CSMD1: variants seen among roughly 807,000 people sequenced by gnomAD.
CSMD1 encodes CUB and Sushi multiple domains 1.
CSMD1 carries 213 observed loss-of-function variants against 417.5 expected under a neutral mutation model. That is an observed-to-expected ratio of 0.51 (90% confidence interval 0.46 to 0.57). CSMD1 has a LOEUF of 0.57. CSMD1 is among the 20% of genes least tolerant of loss of function. The pLI is 0.00. For missense variants in CSMD1, 6,923 were observed against 4,529.7 expected (o/e 1.53, Z -15.17); for synonymous variants, 2,862 against 1,736.8 (o/e 1.65, Z -16.11).
At chr8:4,446,322 T>A (rs1365956500) in intron 2 of CSMD1, among the ~76,000 whole-genome samples, 1 of 151,968 alleles carries the variant, frequency 6.6e-6, no homozygotes, top group Non-Finnish European at 1.5e-5. Context: ...CCAGCATGGG[T>A]GGATCGCTTG....
intron 5 of CSMD1, among the ~76,000 whole-genome samples, chr8:3,959,851 C>G (rs991969615): frequency 6.6e-6 from 1 of 152,170 alleles, no homozygotes; most frequent in African/African-American, 2.4e-5. Context: ...GAAAAACTTT[C>G]TATATTGTGA....
chr8:3,879,494 C>G (rs1256543741), intron 5 of CSMD1, among the ~76,000 whole-genome samples: 1 of 152,118 alleles, frequency 6.6e-6, no homozygotes, highest in Non-Finnish European at 1.5e-5. Flanking sequence ...GGGACAGAGA[C>G]CAAGTTACCG....
intron 3 of CSMD1, among the ~76,000 whole-genome samples, chr8:4,326,678 G>T (rs73174262): frequency 6.6e-6 from 1 of 152,170 alleles, no homozygotes; most frequent in African/African-American, 2.4e-5. Context: ...AAAGGAAAAG[G>T]TCTGGACTCA....
At chr8:4,239,197 A>G (rs1157024039) in intron 3 of CSMD1, among the ~76,000 whole-genome samples, 1 of 152,202 alleles carries the variant, frequency 6.6e-6, no homozygotes, top group Non-Finnish European at 1.5e-5. Flanking sequence ...TACATTAGAG[A>G]TACAGTTGAG....
chr8:3,231,490 TGTGTGTGTGC>T (rs1211120234), intron 26 of CSMD1, among the ~76,000 whole-genome samples: 1 of 152,184 alleles, frequency 6.6e-6, no homozygotes, highest in African/African-American at 2.4e-5. Flanking sequence ...CTGAAGCATT[TGTGTGTGTGC>T]GTGTGTGTGC....
intron 26 of CSMD1, among the ~76,000 whole-genome samples, chr8:3,273,788 T>G (rs1444440556): frequency 7.2e-6 from 1 of 138,456 alleles, no homozygotes; most frequent in Admixed American, 7.3e-5. Flanking sequence ...ATCCCCTTTA[T>G]CATTTTTATT....
chr8:3,129,507 G>A (rs1387090164), intron 41 of CSMD1, among the ~76,000 whole-genome samples: 1 of 152,202 alleles, frequency 6.6e-6, no homozygotes, highest in Non-Finnish European at 1.5e-5. Context: ...GGGTTCAGTG[G>A]CTCATGCCTG....
At chr8:4,030,704 T>G (rs1585166385) in intron 4 of CSMD1, among the ~76,000 whole-genome samples, 2 of 152,346 alleles carry the variant, frequency 1.3e-5, no homozygotes, top group Admixed American at 6.5e-5. Context: ...TTTCTGCAGT[T>G]GGCTTGATTT....
intron 2 of CSMD1, among the ~76,000 whole-genome samples, chr8:4,501,139 C>T (rs942089484): frequency 6.6e-6 from 1 of 151,990 alleles, no homozygotes; most frequent in African/African-American, 2.4e-5. Flanking sequence ...ATAATGATAT[C>T]TCACATATAT....
At chr8:2,940,988 A>G (rs536773757) in intron 69 of CSMD1, among the ~76,000 whole-genome samples, 80 of 152,338 alleles carry the variant, frequency 5.3e-4, no homozygotes, top group African/African-American at 1.9e-3. Flanking sequence ...TCATCTGATC[A>G]TGGCATCTTA....
At chr8:3,537,501 T>C (rs950070540) in intron 10 of CSMD1, among the ~76,000 whole-genome samples, 17 of 152,362 alleles carry the variant, frequency 1.1e-4, no homozygotes, top group South Asian at 2.1e-4. Context: ...ATTTAAGACA[T>C]TGGTTCATAA....
At chr8:3,363,366 G>C (rs1162896890) in intron 20 of CSMD1, among the ~76,000 whole-genome samples, 3 of 152,066 alleles carry the variant, frequency 2.0e-5, no homozygotes, top group Admixed American at 2.0e-4. Flanking sequence ...GAATAATTTT[G>C]GTGTAAAAAC....
intron 3 of CSMD1, among the ~76,000 whole-genome samples, chr8:4,302,877 T>C (rs1024102346): frequency 3.9e-5 from 6 of 152,116 alleles, no homozygotes; most frequent in African/African-American, 1.2e-4. Flanking sequence ...AGTTTAAATG[T>C]TGGCCTCCAT....
chr8:3,082,183 A>C (rs182944754), intron 49 of CSMD1, among the ~76,000 whole-genome samples: 1 of 152,322 alleles, frequency 6.6e-6, no homozygotes, highest in African/African-American at 2.4e-5. Flanking sequence ...CATTGCTATA[A>C]CCCACTAAGA....
At chr8:4,993,969 C>G (rs1811618060) in intron 1 of CSMD1, among the ~76,000 whole-genome samples, 1 of 152,128 alleles carries the variant, frequency 6.6e-6, no homozygotes, top group Non-Finnish European at 1.5e-5. Context: ...CCTCAGCCAC[C>G]CCGACCCGTG....
intron 7 of CSMD1, among the ~76,000 whole-genome samples, chr8:3,652,385 C>G (rs996258843): frequency 2.6e-5 from 4 of 152,250 alleles, no homozygotes; most frequent in African/African-American, 9.6e-5. Flanking sequence ...GCGCTTAGCA[C>G]CATCACAAAT....
intron 1 of CSMD1, among the ~76,000 whole-genome samples, chr8:4,795,045 G>C (rs980527): frequency 0.31 from 45,740 of 148,872 alleles, 7,849 homozygotes; most frequent in Admixed American, 0.41. Flanking sequence ...GGGTGGGTGT[G>C]TGTTTAAGTT....
chr8:4,550,593 C>T (rs536404033), intron 2 of CSMD1, among the ~76,000 whole-genome samples: 13 of 152,170 alleles, frequency 8.5e-5, no homozygotes, highest in African/African-American at 3.1e-4. Context: ...AACACAAAAG[C>T]AGGTGATTTT....
At position 3,693,510 on chromosome 8, in the gene CSMD1, G is replaced by T. The variant is rs922783765; in HGVS notation, c.1009+14904C>A. The stretch of plus-strand genomic sequence containing the variant: ...TTATGGCAGCAGGCAGCCGCCTGGA[G>T]ATTCATTTATCCATTATACATATCG... On this transcript the variant is annotated intron_variant, in intron 7 of 69. Transcript: ENST00000635120. 2.0e-5 allele frequency among the ~76,000 whole-genome samples: 3 copies of T among 152,066 alleles called. No individual in the cohort carries two copies. The East Asian group carries it at 5.8e-4, about 29-fold the overall frequency.
Sources: allele counts gnomAD v4.1 joint callset (sites outside exome capture counted in the v4.1 genomes callset), GRCh38; gene constraint gnomAD v4.1.1; transcripts MANE v1.5; gene names NCBI Gene and HGNC (gene_info 2026-07-23, HGNC 2026-07-21).